Variants in RIF1 observed in about 807,000 individuals in gnomAD.
RIF1 encodes the protein replication timing regulatory factor 1.
Under a neutral mutation model 247.1 loss-of-function variants are expected in RIF1, and 45 were observed. The ratio of observed to expected loss-of-function variants is 0.18; its 90% CI spans 0.14 to 0.23. The LOEUF is 0.23. Among genes scored for constraint, RIF1 ranks in the 10% least tolerant of loss-of-function variants. RIF1 has a pLI of 1.00. For synonymous variants in RIF1, 1,087 were observed against 978.8 expected, an observed-to-expected ratio of 1.11 and a Z score of -2.06; for missense variants, 2,967 against 2,862.5, an observed-to-expected ratio of 1.04 and a Z score of -0.83.
chr2:151,464,749 A>G lies in RIF1; in HGVS notation c.5229A>G (p.Glu1743=). 3.1e-6 allele frequency: 5 copies of G among 1,613,798 alleles called. No individual in the cohort carries two copies. The highest frequency in any genetic ancestry group is 3.4e-6 in the Non-Finnish European group (4 of 1,179,898). Residue 1743 remains glutamate, a synonymous_variant, in exon 30 of 36, where the codon GAA becomes GAG. Transcript: ENST00000444746. ...GTGGGGAAAAATCACAACCTCAGGA[A>G]AAGTCACTCATTGGGTTAAAGAATA... is the stretch of plus-strand genomic sequence containing the variant. ...DCCGEKSQPQ[E]KSLIGLKNTE...
the RIF1 span, chr2:151,533,684 C>T: frequency 1.7e-6 from 1 of 598,572 alleles, no homozygotes; most frequent in Non-Finnish European, 3.0e-6. Flanking sequence ...CGGGTGAAGA[C>T]ATCAAATACA....
chr2:151,533,144 T>C, the RIF1 span, among the ~76,000 whole-genome samples: 3 of 152,372 alleles, frequency 2.0e-5, no homozygotes, highest in East Asian at 3.9e-4. Context: ...GGAATCTATT[T>C]CTTTGAGGCA....
In RIF1 at chr2:151,437,279, T is replaced by G. The variant is rs566241028; in HGVS notation, c.1411T>G (p.Phe471Val). 5 of 1,613,998 alleles carry G rather than the reference T, an allele frequency of 3.1e-6. No homozygotes were observed. Among genetic ancestry groups the G allele is most frequent in the Non-Finnish European group, 4.2e-6 (5 of 1,179,956 alleles). ...TCCGTTAATCAGCAGCCCTTCCTTT[T>G]TTTCCAAACATGCAAATACACTTAT... Reference protein sequence around the residue: ...EHPLISSPSFFSKHANTLITA... With the variant: ...EHPLISSPSFVSKHANTLITA... The change falls in exon 13 of 36, where the codon TTT (phenylalanine) becomes GTT (valine). Residue 471 changes from phenylalanine (F) to valine (V), a missense_variant. This residue lies in a region of RIF1 where 369 missense variants were observed against 322.0 expected (regional missense o/e 1.15). Transcript: ENST00000444746.
chr2:151,506,331 G>A, exon 13 of RIF1: 5 of 1,118,412 alleles, frequency 4.5e-6, no homozygotes, highest in Non-Finnish European at 6.6e-6. Context: ...GAAAGACTAG[G>A]ACACATGGCT....
chr2:151,499,133 T>C (rs1057045495), intron 10 of RIF1, among the ~76,000 whole-genome samples: 1 of 152,164 alleles, frequency 6.6e-6, no homozygotes, highest in South Asian at 2.1e-4. Flanking sequence ...ATTAATGTTT[T>C]ACCAAAATGG....
At chr2:151,474,346 T>G (rs558706705) in intron 35 of RIF1, among the ~76,000 whole-genome samples, 77 of 152,308 alleles carry the variant, frequency 5.1e-4, no homozygotes, top group African/African-American at 1.8e-3. Flanking sequence ...TAAATTTCTT[T>G]AATAGCACAG....
At chr2:151,452,862 A>C (rs573812180) in intron 21 of RIF1, among the ~76,000 whole-genome samples, 1 of 152,240 alleles carries the variant, frequency 6.6e-6, no homozygotes, top group Admixed American at 6.5e-5. Flanking sequence ...CGAATATCCA[A>C]TTCAGGAACC....
chr2:151,525,768 A>G, the RIF1 span, among the ~76,000 whole-genome samples: 49 of 152,248 alleles, frequency 3.2e-4, no homozygotes, highest in Non-Finnish European at 6.5e-4. Flanking sequence ...CACATTTGCC[A>G]TAATTGCCAG....
intron 21 of RIF1, among the ~76,000 whole-genome samples, chr2:151,454,529 G>C (rs921431452): frequency 3.3e-5 from 5 of 152,012 alleles, no homozygotes; most frequent in Admixed American, 1.3e-4. Context: ...ATTTAAATTT[G>C]GAACCTATCT....
At chr2:151,473,249 T>G (rs2048694707) in intron 34 of RIF1, among the ~76,000 whole-genome samples, 1 of 151,370 alleles carries the variant, frequency 6.6e-6, no homozygotes, top group Admixed American at 6.6e-5. Flanking sequence ...ATTTTCTCAA[T>G]CAGTGGTCCA....
At chr2:151,505,373 A>T in intron 12 of RIF1, 1 of 1,001,456 alleles carries the variant, frequency 1.0e-6, no homozygotes, top group Non-Finnish European at 1.5e-6. Flanking sequence ...CAACATCCCC[A>T]AGGCATGGAA....
chr2:151,486,230 C>A, downstream of RIF1: 1 of 281,198 alleles, frequency 3.6e-6, no homozygotes, highest in Non-Finnish European at 6.7e-6. Context: ...AGACAAATAG[C>A]CAAAAAGCAC....
In RIF1 at chr2:151,458,857, G is replaced by T; in HGVS notation, c.2902G>T (p.Gly968Cys). 1 of 1,613,278 alleles carries T rather than the reference G, an allele frequency of 6.2e-7. No individual in the cohort carries two copies. The highest frequency in any genetic ancestry group is 8.5e-7 in the Non-Finnish European group (1 of 1,179,552). Reference protein sequence around the residue: ...AKQKFLLLLPGLETVEMMEES... With the variant: ...AKQKFLLLLPCLETVEMMEES... ...ACAAAAATTTCTGCTCCTGTTGCCTGGTTTGGAAACTGTTGAAATGATGGA... is the reference window on the plus strand; with the variant it reads ...ACAAAAATTTCTGCTCCTGTTGCCTTGTTTGGAAACTGTTGAAATGATGGA... The change falls in exon 25 of 36, where the codon GGT (glycine) becomes TGT (cysteine). Residue 968 changes from glycine (G) to cysteine (C), a missense_variant. By Grantham distance (159) the Gly-to-Cys change is radical. Around this residue, in one of 7 missense-constraint regions of RIF1, gnomAD observed 2,028 missense variants for 1,825.6 expected, o/e 1.11. Transcript: ENST00000444746.
Position 151,433,162 on chromosome 2 carries a change from A to G in RIF1, c.1011A>G (p.Thr337=), listed in dbSNP as rs766839130. 1.7e-5 allele frequency: 27 copies of G among 1,613,462 alleles called. No individual in the cohort carries two copies. The Admixed American group carries it at 2.2e-4, about 13-fold the overall frequency. ...IHVRTETLAL[T]KLEVWWYLLM... The stretch of plus-strand genomic sequence containing the variant: ...TGAGAACAGAAACTCTAGCATTAAC[A>G]AAACTAGAAGTCTGGTGGTATTTAC... Residue 337 remains threonine (T), a synonymous_variant, in exon 10 of 36, where the codon ACA becomes ACG. Coordinates refer to ENST00000444746, the MANE Select transcript of RIF1 (RefSeq NM_018151.5).
At position 151,414,939 on chromosome 2, in the gene RIF1, C is replaced by G. The variant is rs1430780854; in HGVS notation, c.280+20C>G. ...TATCAGGTAGATAAATTTCTTATGA[C>G]TTAATATTTTTAGAGTATAAAGTAT... is the stretch of plus-strand genomic sequence containing the variant. On this transcript the variant is annotated intron_variant, in intron 4 of 35. Coordinates refer to ENST00000444746, the MANE Select transcript of RIF1 (RefSeq NM_018151.5). 2.7e-6 allele frequency: 4 copies of G among 1,456,418 alleles called. No homozygotes were observed. The highest frequency in any genetic ancestry group is 3.8e-6 in the Non-Finnish European group (4 of 1,042,412). 90.2% of individuals were successfully genotyped at this position (1,456,418 alleles called of 1,614,324 possible).
chr2:151,505,850 G>GC (rs2068444320), intron 12 of RIF1: 1 of 533,370 alleles, frequency 1.9e-6, no homozygotes, highest in Non-Finnish European at 3.3e-6. Flanking sequence ...ATGTCTTTAT[G>GC]CCCAGCAGGT....
In RIF1 at chr2:151,469,628, G is replaced by A. The variant is rs188360018; in HGVS notation, c.6942-83G>A. On this transcript the variant is annotated intron_variant, in intron 33 of 35. Transcript: ENST00000444746. Reference sequence around the variant, plus strand: ...CCTCAGTTATGATTGAGCTTAAATGGGGAAATTGAACTGGATAAACCCTTG... The same window carrying A: ...CCTCAGTTATGATTGAGCTTAAATGAGGAAATTGAACTGGATAAACCCTTG... 3,952 of 1,033,992 alleles carry A rather than the reference G, an allele frequency of 3.8e-3. 10 individuals are homozygous for A. Among genetic ancestry groups the A allele is most frequent in the Non-Finnish European group, 4.6e-3 (3,542 of 764,290 alleles). 64.1% of individuals were successfully genotyped at this position (1,033,992 alleles called of 1,614,324 possible).
At position 151,493,405 on chromosome 2, in the gene RIF1, G is replaced by A. The variant is rs2058049921; in HGVS notation, c.*416-1824G>A. 1.2e-6 allele frequency: 2 copies of A among 1,609,334 alleles called. No individual in the cohort carries two copies. Among genetic ancestry groups the A allele is most frequent in the Admixed American group, 3.4e-5 (2 of 59,068 alleles). On this transcript the variant is annotated intron_variant and NMD_transcript_variant, in intron 9 of 13. Transcript: ENST00000454583. ...AGCTCTCTCCATCTCTGGAGTAACA[G>A]GTGTCGGAGTTGCTTTTCTCATGTT...
At position 151,413,101 on chromosome 2, in the gene RIF1, A is replaced by G. The variant is rs560503484; in HGVS notation, c.184-1722A>G. 4.9e-3 allele frequency among the ~76,000 whole-genome samples: 746 copies of G among 151,572 alleles called. 6 individuals carry two copies. Among genetic ancestry groups the G allele is most frequent in the Non-Finnish European group, 5.5e-3 (373 of 67,890 alleles). On this transcript the variant is annotated intron_variant, in intron 3 of 35. Transcript: ENST00000444746. ...GCTCTTGTTGCCCAGGCTGGAGTGC[A>G]ATGGCTTGAACACCTCCTGGGTTCA...
Sources: gnomAD v4.1 joint callset for allele counts (sites outside exome capture counted in the v4.1 genomes callset) on GRCh38, gnomAD v4.1.1 for gene constraint, gnomAD v4.1.1 regional missense constraint, MANE v1.5 for transcripts, NCBI Gene and HGNC (gene_info 2026-07-23, HGNC 2026-07-21) for gene names.